PTPRC: variants seen among roughly 807,000 people sequenced by gnomAD.
PTPRC encodes protein tyrosine phosphatase receptor type C, also known as receptor-type tyrosine-protein phosphatase C.
A neutral mutation model predicts 155.9 loss-of-function variants in PTPRC; 44 were observed. The observed-to-expected ratio is 0.28, with a 90% CI of 0.22 to 0.36. PTPRC has a LOEUF of 0.36. Among genes scored for constraint, PTPRC ranks in the 10% least tolerant of loss-of-function variants. PTPRC has a pLI of 1.00. For missense variants in PTPRC, 1,401 were observed against 1,564.6 expected, an observed-to-expected ratio of 0.90 and a Z score of 1.76; for synonymous variants, 525 against 533.1, an observed-to-expected ratio of 0.98 and a Z score of 0.21.
At chr1:198,745,887 A>T (rs527280192) in intron 26 of PTPRC, among the ~76,000 whole-genome samples, 1 of 151,956 alleles carries the variant, frequency 6.6e-6, no homozygotes, top group Admixed American at 6.6e-5. Context: ...ATAGAATTAC[A>T]GATTGCTAGG....
chr1:198,687,125 T>A (rs1665670772), intron 2 of PTPRC, among the ~76,000 whole-genome samples: 1 of 152,190 alleles, frequency 6.6e-6, no homozygotes, highest in African/African-American at 2.4e-5. Context: ...CCCAAGTAGC[T>A]GGGACTATAG....
chr1:198,689,779 C>G (rs1665827980), intron 2 of PTPRC, among the ~76,000 whole-genome samples: 1 of 152,142 alleles, frequency 6.6e-6, no homozygotes, highest in African/African-American at 2.4e-5. Context: ...ATTTCTCTTT[C>G]TTCTCCTCCT....
intron 25 of PTPRC, among the ~76,000 whole-genome samples, chr1:198,742,786 T>C (rs1404037058): frequency 6.6e-6 from 1 of 151,814 alleles, no homozygotes; most frequent in African/African-American, 2.4e-5. Context: ...TGAGTGGTAT[T>C]GTTTATTAAG....
chr1:198,694,610 G>C, intron 3 of PTPRC: 1 of 986,034 alleles, frequency 1.0e-6, no homozygotes, highest in Non-Finnish European at 1.2e-6. Context: ...GAAGCAGGCA[G>C]ACACCAGAAT....
intron 2 of PTPRC, among the ~76,000 whole-genome samples, chr1:198,683,278 A>G (rs1244894616): frequency 1.3e-5 from 2 of 152,180 alleles, no homozygotes; most frequent in Non-Finnish European, 2.9e-5. Context: ...AGCACCAAAT[A>G]CACTAATAAA....
At chr1:198,711,713 AT>A (rs1198467418) in intron 11 of PTPRC, among the ~76,000 whole-genome samples, 2 of 152,186 alleles carry the variant, frequency 1.3e-5, no homozygotes, top group African/African-American at 4.8e-5. Flanking sequence ...ATCAAAATTA[AT>A]TTTTTCAACA....
At chr1:198,675,622 G>A (rs1412919877) in intron 2 of PTPRC, among the ~76,000 whole-genome samples, 1 of 152,094 alleles carries the variant, frequency 6.6e-6, no homozygotes, top group African/African-American at 2.4e-5. Context: ...GACATACTGT[G>A]TCAAGAACTG....
chr1:198,684,367 A>G (rs1331047803), intron 2 of PTPRC, among the ~76,000 whole-genome samples: 1 of 151,868 alleles, frequency 6.6e-6, no homozygotes, highest in African/African-American at 2.4e-5. Flanking sequence ...TAAATATTGG[A>G]CACCATAAGT....
chr1:198,661,452 C>T (rs1423182959), intron 2 of PTPRC, among the ~76,000 whole-genome samples: 5 of 151,520 alleles, frequency 3.3e-5, no homozygotes, highest in African/African-American at 1.2e-4. Context: ...AAATGTCTGT[C>T]TGAATAATAG....
chr1:198,656,508 C>T (rs906064945), intron 2 of PTPRC, among the ~76,000 whole-genome samples: 1 of 152,026 alleles, frequency 6.6e-6, no homozygotes, highest in African/African-American at 2.4e-5. Flanking sequence ...GATCCAGATA[C>T]CTACAAGGGC....
chr1:198,714,783 C>T (rs1286821468), intron 12 of PTPRC, among the ~76,000 whole-genome samples: 1 of 152,126 alleles, frequency 6.6e-6, no homozygotes, highest in Non-Finnish European at 1.5e-5. Context: ...AATAAAATTA[C>T]TATTAAAAAT....
chr1:198,649,576 C>G (rs1370688795), intron 2 of PTPRC, among the ~76,000 whole-genome samples: 1 of 151,720 alleles, frequency 6.6e-6, no homozygotes, highest in Non-Finnish European at 1.5e-5. Flanking sequence ...AAATCTTGCC[C>G]GGATTCCATT....
chr1:198,743,067 C>CAAAAA (rs10628640), intron 25 of PTPRC, among the ~76,000 whole-genome samples: 19 of 75,936 alleles, frequency 2.5e-4, no homozygotes, highest in African/African-American at 3.0e-4. Context: ...GTCAAAATAG[C>CAAAAA]AAAAAAAAAA....
At chr1:198,724,088 T>G (rs183041840) in intron 15 of PTPRC, among the ~76,000 whole-genome samples, 185 of 152,320 alleles carry the variant, frequency 1.2e-3, no homozygotes, top group Admixed American at 2.7e-3. Context: ...GGTAACCAGC[T>G]AATATTCCAC....
chr1:198,755,826 G>T, intron 32 of PTPRC, 80 bp from the exon 33 acceptor site: 1 of 1,413,588 alleles, frequency 7.1e-7, no homozygotes, highest in Non-Finnish European at 1.0e-6. Context: ...TAAATCATTA[G>T]TTCTTGCTAA....
At chr1:198,752,200 G>T (rs756449291) in intron 29 of PTPRC, 49 bp from the exon 30 acceptor site, 3 of 1,572,356 alleles carry the variant, frequency 1.9e-6, no homozygotes, top group South Asian at 2.2e-5. Flanking sequence ...CTGATCCTTT[G>T]CATATTTCAA....
chr1:198,660,917 G>A (rs566120332), intron 2 of PTPRC, among the ~76,000 whole-genome samples: 2 of 152,132 alleles, frequency 1.3e-5, no homozygotes, highest in African/African-American at 2.4e-5. Flanking sequence ...TATGAGAACA[G>A]TATTTTCAGT....
At chr1:198,748,344 T>A in intron 27 of PTPRC, 145 bp downstream of exon 27, 1 of 1,104,422 alleles carries the variant, frequency 9.1e-7, no homozygotes, top group Non-Finnish European at 1.3e-6. Flanking sequence ...TACTAGGTAT[T>A]AAAATACTAG....
intron 25 of PTPRC, among the ~76,000 whole-genome samples, chr1:198,743,370 A>G (rs1466140654): frequency 6.6e-6 from 1 of 151,922 alleles, no homozygotes; most frequent in Admixed American, 6.6e-5. Context: ...ATAGCAGTGT[A>G]GAAACATAAA....
Sources: gnomAD v4.1 joint callset for allele counts (sites outside exome capture counted in the v4.1 genomes callset) on GRCh38, gnomAD v4.1.1 for gene constraint, MANE v1.5 for transcripts, NCBI Gene and HGNC (gene_info 2026-07-23, HGNC 2026-07-21) for gene names.